The following ULK2 variants were observed in gnomAD, a reference collection of about 807,000 sequenced individuals.
ULK2 encodes serine/threonine-protein kinase ULK2.
ULK2 carries 76 observed loss-of-function variants against 127.5 expected under a neutral mutation model. That is an observed-to-expected ratio of 0.60 (90% CI 0.50 to 0.72). ULK2 has a LOEUF of 0.72. ULK2 is among the 30% of genes least tolerant of loss of function. The pLI is 0.00. For missense variants in ULK2, 1,144 were observed against 1,295.9 expected, an observed-to-expected ratio of 0.88 and a Z score of 1.80; for synonymous variants, 452 against 461.9, an observed-to-expected ratio of 0.98 and a Z score of 0.28.
In ULK2 at chr17:19,816,866, C is replaced by T. The variant is rs374288072; in HGVS notation, c.979G>A (p.Gly327Ser). 25 of 1,610,896 alleles carry T rather than the reference C, an allele frequency of 1.6e-5. No individual in the cohort carries two copies. The South Asian group carries it at 2.5e-4, about 16-fold the overall frequency. Residue 327 changes from glycine (G) to serine (S), a missense_variant, in exon 13 of 27, where the codon GGT becomes AGT. By Grantham distance (56) the Gly-to-Ser change is moderately conservative (BLOSUM62 0). This residue lies in a region of ULK2 where 913 missense variants were observed against 970.5 expected (regional missense o/e 0.94). Coordinates refer to ENST00000395544, the MANE Select transcript of ULK2 (RefSeq NM_014683.4). ...QEENLSSPPL[G>S]PPNYLQVSKD... is the part of the protein sequence containing the mutation. ...GAAACTTGTAGATAGTTGGGAGGAC[C>T]CAATGGTGGGGAAGATAAGTTTTCT...
intron 13 of ULK2, among the ~76,000 whole-genome samples, chr17:19,814,448 T>TGTTGTTGTTGTTGTTG (rs1467778986): frequency 2.5e-4 from 2 of 8,086 alleles, no homozygotes; most frequent in African/African-American, 7.1e-4. Flanking sequence ...ATTTTTTTTT[T>TGTTGTTGTTGTTGTTG]TTTTTTTTTT....
chr17:19,864,974 C>T (rs2042322911), intron 2 of ULK2, 130 bp from the exon 3 acceptor site: 1 of 339,504 alleles, frequency 2.9e-6, no homozygotes. Context: ...TATAAAAATT[C>T]AATTAAAGAA....
rs2086766167 is a variant in ULK2 at position 19,773,568 on chromosome 17, A to T, written c.*2781T>A. ...ATCAAAATTGGGTGTTGTAATTTTT[A>T]ACTTGATATTCCCAGACAAGTGCCA... is the stretch of plus-strand genomic sequence containing the variant. On this transcript the variant is annotated 3_prime_UTR_variant, in exon 27 of 27. Coordinates refer to ENST00000395544, the MANE Select transcript of ULK2 (RefSeq NM_014683.4). The T allele has an allele frequency of 6.6e-6, 1 of 152,222 alleles. No individual in the cohort carries two copies. The allele number at this position is 152,222 out of a possible 1,614,324, so 9.4% of individuals were successfully genotyped here. A position where few individuals can be genotyped will look rare whatever the true frequency, so the allele number is the denominator to read the frequency against.
intron 25 of ULK2, 56 bp from the exon 26 acceptor site, chr17:19,777,772 C>T (rs893465091): frequency 9.6e-5 from 150 of 1,559,676 alleles, no homozygotes; most frequent in Non-Finnish European, 1.2e-4. Context: ...AAATACAAAT[C>T]CATTTGGGCA....
intron 25 of ULK2, among the ~76,000 whole-genome samples, chr17:19,778,291 G>A (rs530221084): frequency 7.2e-5 from 11 of 152,332 alleles, no homozygotes; most frequent in African/African-American, 1.4e-4. Context: ...AGGCACACAC[G>A]GTGTTACAGG....
At chr17:19,818,926 G>T (rs1453205607) in intron 12 of ULK2, among the ~76,000 whole-genome samples, 1 of 149,350 alleles carries the variant, frequency 6.7e-6, no homozygotes, top group Non-Finnish European at 1.5e-5. Flanking sequence ...TCAGCCTCTC[G>T]AGTAGCTGGG....
At position 19,797,474 on chromosome 17, in the gene ULK2, C is replaced by G. The variant is rs2087297355; in HGVS notation, c.1731G>C (p.Lys577Asn). 6.2e-7 allele frequency: 1 copy of G among 1,613,970 alleles called. No individual in the cohort carries two copies. The change falls in exon 18 of 27, where the codon AAG becomes AAC. Residue 577 changes from lysine (K) to asparagine (N), a missense_variant. By Grantham distance (94) the Lys-to-Asn change is moderately conservative. This residue lies in a region of ULK2 where 913 missense variants were observed against 970.5 expected (regional missense o/e 0.94). Coordinates refer to ENST00000395544, the MANE Select transcript of ULK2 (RefSeq NM_014683.4). ...RPGSLGTSPT[K>N]HLGSSPRSSD... ...AACTCCGTGGAGAGGACCCCAAGTG[C>G]TTGGTGGGAGAAGTTCCAAGGCTGC...
intron 20 of ULK2, among the ~76,000 whole-genome samples, chr17:19,789,067 G>C (rs1033358136): frequency 3.3e-5 from 5 of 152,190 alleles, no homozygotes; most frequent in Admixed American, 1.3e-4. Context: ...CCTGCTGATT[G>C]TAAGTCCTGG....
chr17:19,825,205 A>G, intron 11 of ULK2, 23 bp from the exon 12 acceptor site: 15 of 1,604,642 alleles, frequency 9.3e-6, no homozygotes, highest in Non-Finnish European at 1.3e-5. Context: ...ACACAAATGA[A>G]CTACATCATT....
At chr17:19,817,604 G>A (rs900020934) in intron 12 of ULK2, among the ~76,000 whole-genome samples, 1 of 152,136 alleles carries the variant, frequency 6.6e-6, no homozygotes, top group Non-Finnish European at 1.5e-5. Context: ...AACTAGCTAC[G>A]TATCTTTTGT....
At chr17:19,819,434 G>A (rs2041081451) in intron 12 of ULK2, among the ~76,000 whole-genome samples, 1 of 152,134 alleles carries the variant, frequency 6.6e-6, no homozygotes, top group African/African-American at 2.4e-5. Flanking sequence ...AGAAGGAGAA[G>A]AGTAGAGAGT....
chr17:19,825,993 A>ATAATAAAT (rs1555560335), intron 11 of ULK2, 146 bp downstream of exon 11: 7 of 116,788 alleles, frequency 6.0e-5, no homozygotes, highest in South Asian at 3.2e-4. Flanking sequence ...TCTCAAAAAA[A>ATAATAAAT]AAAAAAAAAA....
intron 10 of ULK2, among the ~76,000 whole-genome samples, chr17:19,830,817 C>A (rs540411692): frequency 3.3e-5 from 5 of 152,176 alleles, no homozygotes; most frequent in Admixed American, 3.3e-4. Flanking sequence ...CGCTTGAGAA[C>A]AGAAGTTCAA....
chr17:19,814,434 A>ATTT lies in ULK2; in HGVS notation c.1096+2314_1096+2315insAAA, dbSNP rs1567696488. Among the ~76,000 whole-genome samples the ATTT allele has an allele frequency of 3.5e-4, 6 of 17,254 alleles. No homozygotes were observed. In the East Asian group the frequency reaches 4.4e-3, roughly 13 times the overall value. 11.3% of individuals were successfully genotyped at this position (17,254 alleles called of 152,430 possible). Reference sequence around the variant, plus strand: ...TACATATATATATATATATATATATATATATTTTTTTTTTTTTTTTTTTTT... The same window carrying ATTT: ...TACATATATATATATATATATATATATTTTATATTTTTTTTTTTTTTTTTTTTT... On this transcript the variant is annotated intron_variant, in intron 13 of 26. Transcript: ENST00000395544.
intron 20 of ULK2, among the ~76,000 whole-genome samples, chr17:19,795,140 A>T (rs1034230897): frequency 6.6e-6 from 1 of 151,962 alleles, no homozygotes; most frequent in Non-Finnish European, 1.5e-5. Context: ...ACAGTCTAGA[A>T]TCTCCATTTT....
At chr17:19,846,426 G>A (rs1389239245) in intron 6 of ULK2, among the ~76,000 whole-genome samples, 3 of 151,518 alleles carry the variant, frequency 2.0e-5, no homozygotes, top group Non-Finnish European at 2.9e-5. Context: ...GATCACCTGA[G>A]GTCAGGAGTT....
At chr17:19,794,297 T>C (rs1341061307) in intron 20 of ULK2, among the ~76,000 whole-genome samples, 3 of 152,100 alleles carry the variant, frequency 2.0e-5, no homozygotes, top group South Asian at 2.1e-4. Context: ...GAGCCAACTA[T>C]AAGAGTAGAA....
chr17:19,867,216 C>T, intron 1 of ULK2, 112 bp downstream of exon 1: 2 of 788,976 alleles, frequency 2.5e-6, no homozygotes, highest in Non-Finnish European at 3.7e-6. Flanking sequence ...CAATAGCATA[C>T]CCGGGCGGCT....
chr17:19,863,804 A>G (rs1486341305), intron 3 of ULK2, among the ~76,000 whole-genome samples: 1 of 152,178 alleles, frequency 6.6e-6, no homozygotes, highest in Non-Finnish European at 1.5e-5. Context: ...AATTTTGACT[A>G]TACAGAAATT....
Sources: allele counts gnomAD v4.1 joint callset (sites outside exome capture counted in the v4.1 genomes callset), GRCh38; gene constraint gnomAD v4.1.1; regional missense constraint gnomAD v4.1.1; transcripts MANE v1.5; gene names NCBI Gene and HGNC (gene_info 2026-07-23, HGNC 2026-07-21).